EVI2B: variants seen among roughly 807,000 people sequenced by gnomAD.
The protein encoded by EVI2B is protein EVI2B.
A neutral mutation model predicts 6.6 loss-of-function variants in EVI2B; 4 were observed. The ratio of observed to expected loss-of-function variants is 0.61; its 90% confidence interval spans 0.30 to 1.39. The LOEUF (loss-of-function observed/expected upper bound fraction) is 1.39. Among genes scored for constraint, EVI2B ranks in the 40% most tolerant of loss-of-function variants. EVI2B has a pLI of 0.08. For missense variants in EVI2B, 484 were observed against 516.6 expected (o/e 0.94, Z 0.61); for synonymous variants, 181 against 186.8 (o/e 0.97, Z 0.25).
At position 31,305,157 on chromosome 17, in the gene EVI2B, T is replaced by C; in HGVS notation, c.453A>G (p.Ser151=). The change falls in exon 2 of 2, where the codon TCA becomes TCG. Residue 151 remains serine, a synonymous_variant. Transcript: ENST00000330927. ...GTTTTCTAGAAGGGATCTGGACAGA[T>C]GATGATTGTTGAGTAAAAGTATAGA... The part of the protein sequence containing the change: ...SFVYTFTQQS[S]SVQIPSRKQI... The C allele has an allele frequency of 6.2e-7, 1 of 1,614,146 alleles. No individual in the cohort carries two copies. The highest frequency in any genetic ancestry group is 1.1e-5 in the South Asian group (1 of 91,076).
At position 31,304,123 on chromosome 17, in the gene EVI2B, C is replaced by T. The variant is rs1394597086; in HGVS notation, c.*140G>A. The T allele has an allele frequency of 1.2e-6, 1 of 829,028 alleles. No homozygotes were observed. The highest frequency in any genetic ancestry group is 1.7e-5 in the African/African-American group (1 of 57,660). The allele number at this position is 829,028 out of a possible 1,614,324, so 51.4% of individuals were successfully genotyped here. On this transcript the variant is annotated 3_prime_UTR_variant, in exon 2 of 2. Coordinates refer to ENST00000330927, the MANE Select transcript of EVI2B (RefSeq NM_006495.4). The stretch of plus-strand genomic sequence containing the variant: ...TTTAAAAAAAAGTTTCATCTATGCA[C>T]ATAGGCTCTGAGCAGATTTCAGATA...
At chr17:31,309,205 C>T (rs547784641) in intron 1 of EVI2B, among the ~76,000 whole-genome samples, 1 of 152,302 alleles carries the variant, frequency 6.6e-6, no homozygotes, top group Admixed American at 6.5e-5. Context: ...TTTATTGCCT[C>T]ATGTTTTTAT....
Position 31,304,058 on chromosome 17 carries a change from G to GTACTTTAAAGA in EVI2B, c.*204_*205insTCTTTAAAGTA. On this transcript the variant is annotated 3_prime_UTR_variant, in exon 2 of 2. Transcript: ENST00000330927. ...AAAATGTACTATACTTTAAAGATAG[G>GTACTTTAAAGA]TACTATAATTAGTAAATAGATTACT... 1 of 488,796 alleles carries GTACTTTAAAGA rather than the reference G, an allele frequency of 2.0e-6. No homozygotes were observed. The highest frequency in any genetic ancestry group is 3.1e-5 in the South Asian group (1 of 31,998). The allele number at this position is 488,796 out of a possible 1,614,324, so 30.3% of individuals were successfully genotyped here. A position where few individuals can be genotyped will look rare whatever the true frequency, so the allele number is the denominator to read the frequency against.
intron 1 of EVI2B, among the ~76,000 whole-genome samples, chr17:31,308,843 T>C (rs1195786149): frequency 6.6e-6 from 1 of 152,208 alleles, no homozygotes; most frequent in East Asian, 1.9e-4. Context: ...AATTCATGTA[T>C]GTATCTCACT....
At chr17:31,306,501 T>A (rs1309313827) in intron 1 of EVI2B, among the ~76,000 whole-genome samples, 2 of 152,160 alleles carry the variant, frequency 1.3e-5, no homozygotes, top group African/African-American at 4.8e-5. Context: ...GACAACTGAC[T>A]CTTCTCCCAA....
At chr17:31,311,629 C>T (rs183272094) in intron 1 of EVI2B, among the ~76,000 whole-genome samples, 32 of 152,278 alleles carry the variant, frequency 2.1e-4, no homozygotes, top group Middle Eastern at 3.4e-3. Context: ...ATTTACTGAG[C>T]ACCCACCAAA....
intron 1 of EVI2B, among the ~76,000 whole-genome samples, chr17:31,312,326 A>G (rs1362535245): frequency 1.3e-5 from 2 of 152,196 alleles, no homozygotes; most frequent in Middle Eastern, 3.4e-3. Context: ...CCTGACCAAC[A>G]TGGTGAAACC....
At position 31,305,154 on chromosome 17, in the gene EVI2B, AGAT is replaced by A; in HGVS notation, c.453_455del (p.Ser152del). ...TTTGTTTTCTAGAAGGGATCTGGAC[AGAT>A]GATGATTGTTGAGTAAAAGTATAGA... On this transcript the variant is annotated inframe_deletion, in exon 2 of 2. Coordinates refer to ENST00000330927, the MANE Select transcript of EVI2B (RefSeq NM_006495.4). 1.2e-6 allele frequency: 2 copies of A among 1,614,224 alleles called. No homozygotes were observed. The highest frequency in any genetic ancestry group is 1.1e-5 in the South Asian group (1 of 91,084).
rs1391742279 is a variant in EVI2B at position 31,305,168 on chromosome 17, G to A, written c.442C>T (p.Gln148Ter). Residue 148 changes from glutamine to a stop codon, truncating the protein, a stop_gained, in exon 2 of 2, where the codon CAA (glutamine) becomes TAA (stop). Transcript: ENST00000330927. LOFTEE classifies it low-confidence loss of function (END_TRUNC). The part of the protein sequence containing the change: ...PPKSFVYTFT[Q>*]QSSSVQIPSR... The stretch of plus-strand genomic sequence containing the variant: ...GGGATCTGGACAGATGATGATTGTT[G>A]AGTAAAAGTATAGACAAATGACTTT... 1.9e-6 allele frequency: 3 copies of A among 1,614,036 alleles called. No individual in the cohort carries two copies. Among genetic ancestry groups the A allele is most frequent in the Admixed American group, 1.7e-5 (1 of 59,992 alleles).
chr17:31,305,933 A>G (rs1050924360), intron 1 of EVI2B, among the ~76,000 whole-genome samples: 1 of 152,158 alleles, frequency 6.6e-6, no homozygotes, highest in African/African-American at 2.4e-5. Context: ...ATTATATTTC[A>G]GTACTTCACT....
rs2068700951 is a variant in EVI2B, at chr17:31,305,673, A to G, written c.-21-43T>C. On this transcript the variant is annotated intron_variant, in intron 1 of 1. Transcript: ENST00000330927. ...TGAAAGAGAAAGACAGTTAGGCGTC[A>G]TTGGTGTCTAGTTAAAAATTTGACT... 6 of 1,512,320 alleles carry G rather than the reference A, an allele frequency of 4.0e-6. No individual in the cohort carries two copies. The East Asian group carries it at 1.4e-4, about 34-fold the overall frequency. The allele number at this position is 1,512,320 out of a possible 1,614,324, so 93.7% of individuals were successfully genotyped here.
At chr17:31,313,831 ATTTT>A (rs1185058079) in intron 1 of EVI2B, 144 bp downstream of exon 1, 2 of 381,758 alleles carry the variant, frequency 5.2e-6, no homozygotes, top group African/African-American at 4.2e-5. Flanking sequence ...TGAACTGAGT[ATTTT>A]TTAATTCTAT....
intron 1 of EVI2B, among the ~76,000 whole-genome samples, chr17:31,308,635 CT>C (rs67526348): frequency 0.5 from 75,101 of 150,582 alleles, 20,469 homozygotes; most frequent in Non-Finnish European, 0.62. Flanking sequence ...CAAGGGTGTT[CT>C]TTTTTTTTTA....
At chr17:31,307,888 T>A (rs539049472) in intron 1 of EVI2B, 1 of 1,289,040 alleles carries the variant, frequency 7.8e-7, no homozygotes, top group Non-Finnish European at 1.0e-6. Context: ...ACAAATTACC[T>A]TTTCAGCATA....
intron 1 of EVI2B, chr17:31,307,979 GAT>G: frequency 1.6e-6 from 2 of 1,220,858 alleles, no homozygotes; most frequent in South Asian, 1.3e-5. Flanking sequence ...TAGAAGAAAA[GAT>G]ATGTGATTTT....
rs916339200 is a variant in EVI2B, at chr17:31,304,249, G to A, written c.*14C>T. The A allele has an allele frequency of 1.3e-6, 2 of 1,562,270 alleles. No individual in the cohort carries two copies. ...TTGAGGATGGAAGATCAGCTAAAAA[G>A]CAAGTTGTAATATTTATAACAGTTC... On this transcript the variant is annotated 3_prime_UTR_variant, in exon 2 of 2. Transcript: ENST00000330927.
Position 31,305,470 on chromosome 17 carries a change from T to A in EVI2B, c.140A>T (p.Asn47Ile). The change falls in exon 2 of 2, where the codon AAT (asparagine) becomes ATT (isoleucine). Residue 47 changes from asparagine to isoleucine, a missense_variant. Transcript: ENST00000330927. The part of the protein sequence containing the change: ...FTSSMSQVLA[N>I]SQNTTGNPLG... Reference sequence around the variant, plus strand: ...AGGATTCCCTGTTGTGTTTTGAGAATTAGCCAATACCTGTGACATTGATGA... The same window carrying A: ...AGGATTCCCTGTTGTGTTTTGAGAAATAGCCAATACCTGTGACATTGATGA... 6.2e-7 allele frequency: 1 copy of A among 1,614,222 alleles called. No individual in the cohort carries two copies. Among genetic ancestry groups the A allele is most frequent in the Non-Finnish European group, 8.5e-7 (1 of 1,180,032 alleles).
intron 1 of EVI2B, among the ~76,000 whole-genome samples, chr17:31,308,671 C>A (rs2068794129): frequency 6.6e-6 from 1 of 152,078 alleles, no homozygotes; most frequent in Non-Finnish European, 1.5e-5. Context: ...CTAGCCTCTT[C>A]CCCTTTCTGG....
chr17:31,304,236 G>A lies in EVI2B; in HGVS notation c.*27C>T, dbSNP rs1025173876. 1.9e-6 allele frequency: 3 copies of A among 1,546,798 alleles called. No homozygotes were observed. The highest frequency in any genetic ancestry group is 2.8e-5 in the African/African-American group (2 of 72,300). ...AAAAAAGAGTCATTTGAGGATGGAA[G>A]ATCAGCTAAAAAGCAAGTTGTAATA... On this transcript the variant is annotated 3_prime_UTR_variant, in exon 2 of 2. Coordinates refer to ENST00000330927, the MANE Select transcript of EVI2B (RefSeq NM_006495.4).
Sources: allele counts gnomAD v4.1 joint callset (sites outside exome capture counted in the v4.1 genomes callset), GRCh38; gene constraint gnomAD v4.1.1; transcripts MANE v1.5; gene names NCBI Gene and HGNC (gene_info 2026-07-23, HGNC 2026-07-21).